PCDHGA7: variants seen among roughly 807,000 people sequenced by gnomAD.
PCDHGA7 encodes protocadherin gamma subfamily A, 7.
Under a neutral mutation model 58.3 loss-of-function variants are expected in PCDHGA7, and 44 were observed. The observed-to-expected ratio is 0.75, with a 90% CI of 0.59 to 0.97. The LOEUF is 0.97. PCDHGA7 is among the 50% of genes least tolerant of loss of function. PCDHGA7 has a pLI of 0.00. For missense variants in PCDHGA7, 1,266 were observed against 1,188.7 expected, an observed-to-expected ratio of 1.06 and a Z score of -0.96; for synonymous variants, 516 against 504.2, an observed-to-expected ratio of 1.02 and a Z score of -0.31.
chr5:141,509,810 G>T (rs1272295976), intron 3 of PCDHGA7, among the ~76,000 whole-genome samples: 1 of 152,154 alleles, frequency 6.6e-6, no homozygotes, highest in East Asian at 1.9e-4. Flanking sequence ...ATAGAGCCGA[G>T]CTCTTCTCCA....
chr5:141,419,610 C>T (rs779657777), intron 1 of PCDHGA7: 162 of 1,612,012 alleles, frequency 1.0e-4, no homozygotes, highest in Non-Finnish European at 1.3e-4. Flanking sequence ...GCCGCGCAGC[C>T]AGGCTACCTG....
rs556099456 is a variant in PCDHGA7, at chr5:141,430,033, C to A, written c.2424+44710C>A. ...ACTTGGGTTCTTGTTAAGTGTGATT[C>A]TGATAATGTATACAATCACATATCA... On this transcript the variant is annotated intron_variant, in intron 1 of 3. Coordinates refer to ENST00000518325, the MANE Select transcript of PCDHGA7 (RefSeq NM_018920.4). 1.2e-4 allele frequency among the ~76,000 whole-genome samples: 18 copies of A among 152,184 alleles called. 1 individual carries two copies. In the South Asian group the frequency reaches 3.3e-3, roughly 28 times the overall value.
chr5:141,460,142 G>A (rs932507660), intron 1 of PCDHGA7, among the ~76,000 whole-genome samples: 5 of 151,950 alleles, frequency 3.3e-5, no homozygotes, highest in African/African-American at 1.2e-4. Flanking sequence ...TATTCTTGAT[G>A]TGAGCTCTTT....
Position 141,510,942 on chromosome 5 carries a change from T to C in PCDHGA7, c.2573-5T>C, listed in dbSNP as rs769766039. On this transcript the variant is annotated splice_region_variant and splice_polypyrimidine_tract_variant and intron_variant, in intron 3 of 3. Transcript: ENST00000518325. ...CTCCCACCTGATCTTCCTCTGTCTCTGCAGAAGCTGCTGATGGGAGCTCCA... is the reference window on the plus strand; with the variant it reads ...CTCCCACCTGATCTTCCTCTGTCTCCGCAGAAGCTGCTGATGGGAGCTCCA... 5 of 1,613,984 alleles carry C rather than the reference T, an allele frequency of 3.1e-6. No homozygotes were observed. The highest frequency in any genetic ancestry group is 4.2e-6 in the Non-Finnish European group (5 of 1,180,014).
intron 1 of PCDHGA7, among the ~76,000 whole-genome samples, chr5:141,454,907 A>T (rs1304287479): frequency 1.4e-5 from 2 of 139,080 alleles, no homozygotes; most frequent in East Asian, 4.3e-4. Context: ...TCCCGGGTTC[A>T]CGCCATTCTC....
rs751276470 is a variant in PCDHGA7, at chr5:141,431,560, C to A, written c.2424+46237C>A. 6.2e-7 allele frequency: 1 copy of A among 1,614,104 alleles called. No individual in the cohort carries two copies. On this transcript the variant is annotated intron_variant, in intron 1 of 3. Coordinates refer to ENST00000518325, the MANE Select transcript of PCDHGA7 (RefSeq NM_018920.4). This position sits in a 1 kb window ranked among gnomAD's most constrained non-coding sequence, Gnocchi z 4.8. ...CGCAGCTGCTTGTAGTCAACGCTAC[C>A]GACCCTGACGAAGGAGTCAATGCGG...
In PCDHGA7 at chr5:141,423,241, G is replaced by T. The variant is rs1485226833; in HGVS notation, c.2424+37918G>T. The T allele has an allele frequency of 6.8e-6, 11 of 1,613,836 alleles. No individual in the cohort carries two copies. The Admixed American group carries it at 1.5e-4, about 22-fold the overall frequency. On this transcript the variant is annotated intron_variant, in intron 1 of 3. Transcript: ENST00000518325. ...GGCTGTGGCCGACAGCATCCCCGAAGTCCTGGCGGACCTCGGCAGCCTCGA... is the reference window on the plus strand; with the variant it reads ...GGCTGTGGCCGACAGCATCCCCGAATTCCTGGCGGACCTCGGCAGCCTCGA...
intron 1 of PCDHGA7, among the ~76,000 whole-genome samples, chr5:141,461,980 C>G (rs759291534): frequency 9.2e-5 from 14 of 152,176 alleles, no homozygotes; most frequent in Non-Finnish European, 1.5e-4. Flanking sequence ...TATGCCACCA[C>G]GCCAGGCTAA....
intron 1 of PCDHGA7, among the ~76,000 whole-genome samples, chr5:141,439,168 G>C (rs2098092980): frequency 6.6e-6 from 1 of 150,792 alleles, no homozygotes; most frequent in Non-Finnish European, 1.5e-5. Context: ...ACTCCAGCCT[G>C]GGCGACATAG....
chr5:141,403,416 C>G, intron 1 of PCDHGA7: 1 of 1,614,034 alleles, frequency 6.2e-7, no homozygotes, highest in Non-Finnish European at 8.5e-7. Flanking sequence ...TATCCACTTC[C>G]AGAAGCTATT....
At chr5:141,434,693 T>C (rs2097710124) in intron 1 of PCDHGA7, among the ~76,000 whole-genome samples, 1 of 152,034 alleles carries the variant, frequency 6.6e-6, no homozygotes, top group Non-Finnish European at 1.5e-5. Context: ...TTGCTGTTAA[T>C]AAATATGTGG....
chr5:141,416,523 C>G (rs2096035969), intron 1 of PCDHGA7: 1 of 152,064 alleles, frequency 6.6e-6, no homozygotes, highest in Admixed American at 6.6e-5. Flanking sequence ...TTCAGTGGCT[C>G]TTTAATGTAT....
chr5:141,477,265 G>A lies in PCDHGA7; in HGVS notation c.2425-17542G>A. The A allele has an allele frequency of 6.2e-7, 1 of 1,614,198 alleles. No individual in the cohort carries two copies. Among genetic ancestry groups the A allele is most frequent in the African/African-American group, 1.3e-5 (1 of 75,048 alleles). On this transcript the variant is annotated intron_variant, in intron 1 of 3. Transcript: ENST00000518325. The surrounding 1 kb of genome is among the most constrained non-coding windows in gnomAD (Gnocchi z 4.9). ...GTGTGACTGACCTGGATGCTGGCGA[G>A]AACGGGCTGGTGACCTGCGAAGTTC...
intron 1 of PCDHGA7, among the ~76,000 whole-genome samples, chr5:141,467,296 A>T (rs1032802325): frequency 1.3e-5 from 2 of 151,740 alleles, no homozygotes; most frequent in South Asian, 4.2e-4. Flanking sequence ...CAAGTGATCC[A>T]CTCACCTCGG....
In PCDHGA7 at chr5:141,486,708, C is replaced by A; in HGVS notation, c.2425-8099C>A. On this transcript the variant is annotated intron_variant, in intron 1 of 3. Transcript: ENST00000518325. The surrounding 1 kb of genome is among the most constrained non-coding windows in gnomAD (Gnocchi z 5.0). ...GCTTCCTCTTTCATCTCTCTGAACC[C>A]CCAGACAGGAGCTGTTCATGCTACT... is the stretch of plus-strand genomic sequence containing the variant. 6.2e-7 allele frequency: 1 copy of A among 1,614,180 alleles called. No individual in the cohort carries two copies. Among genetic ancestry groups the A allele is most frequent in the South Asian group, 1.1e-5 (1 of 91,084 alleles).
intron 1 of PCDHGA7, among the ~76,000 whole-genome samples, chr5:141,387,508 G>T (rs537615944): frequency 6.7e-4 from 102 of 152,312 alleles, no homozygotes; most frequent in African/African-American, 2.3e-3. Context: ...ATTTTTAGAC[G>T]TCATTAAATA....
chr5:141,405,108 G>A, intron 1 of PCDHGA7: 1 of 1,613,960 alleles, frequency 6.2e-7, no homozygotes, highest in Non-Finnish European at 8.5e-7. Flanking sequence ...CTGAGGCACT[G>A]GCACTCCTCG....
intron 1 of PCDHGA7, among the ~76,000 whole-genome samples, chr5:141,460,951 G>GTATATA (rs200454978): frequency 7.2e-6 from 1 of 139,722 alleles, no homozygotes; most frequent in African/African-American, 2.8e-5. Flanking sequence ...TATGTATTAT[G>GTATATA]TATATATATA....
At chr5:141,404,296 T>C in intron 1 of PCDHGA7, 1 of 1,613,946 alleles carries the variant, frequency 6.2e-7, no homozygotes, top group Non-Finnish European at 8.5e-7. Flanking sequence ...TCAATGATAA[T>C]CCACCTGCTT....
Sources: gnomAD v4.1 joint callset for allele counts (sites outside exome capture counted in the v4.1 genomes callset) on GRCh38, gnomAD v4.1.1 for gene constraint, Gnocchi (gnomAD v3.1) non-coding constraint, MANE v1.5 for transcripts, NCBI Gene and HGNC (gene_info 2026-07-23, HGNC 2026-07-21) for gene names.